FRMPD4: variants seen among roughly 807,000 people sequenced by gnomAD.
The protein encoded by FRMPD4 is FERM and PDZ domain containing 4, also known as FERM and PDZ domain-containing protein 4.
In FRMPD4, 22 loss-of-function variants were observed where a neutral mutation model predicts 94.1. The observed-to-expected ratio is 0.23, with a 90% CI of 0.17 to 0.33. FRMPD4 has a LOEUF of 0.33. Among genes scored for constraint, FRMPD4 ranks in the 10% least tolerant of loss-of-function variants. FRMPD4 has a pLI of 1.00. For missense variants in FRMPD4, 1,111 were observed against 1,339.9 expected, an observed-to-expected ratio of 0.83 and a Z score of 2.67; for synonymous variants, 631 against 548.6, an observed-to-expected ratio of 1.15 and a Z score of -2.10.
intron 3 of FRMPD4, among the ~76,000 whole-genome samples, chrX:12,063,911 T>C (rs2054902221): frequency 8.9e-6 from 1 of 112,815 alleles, no homozygotes; most frequent in Non-Finnish European, 1.9e-5. Flanking sequence ...ATTAGTGTCA[T>C]GTATAGAGAA....
In FRMPD4 at chrX:12,716,339, A is replaced by G. The variant is rs2042081387; in HGVS notation, c.1880A>G (p.Gln627Arg). The G allele has an allele frequency of 2.5e-6, 3 of 1,211,776 alleles. No homozygotes were observed. The highest frequency in any genetic ancestry group is 3.4e-6 in the Non-Finnish European group (3 of 895,256). Reference protein sequence around the residue: ...PCEADYRSLAQRSLLTLSGPE... With the variant: ...PCEADYRSLARRSLLTLSGPE... Reference sequence around the variant, plus strand: ...GAGGCAGACTACAGAAGTCTAGCTCAGCGGTCCCTATTGACCCTCTCAGGA... The same window carrying G: ...GAGGCAGACTACAGAAGTCTAGCTCGGCGGTCCCTATTGACCCTCTCAGGA... The change falls in exon 15 of 17, where the codon CAG becomes CGG. Residue 627 changes from glutamine to arginine, a missense_variant. Coordinates refer to ENST00000675598, the MANE Select transcript of FRMPD4 (RefSeq NM_001368397.1).
intron 3 of FRMPD4, among the ~76,000 whole-genome samples, chrX:11,957,501 G>A (rs1429460747): frequency 1.9e-5 from 2 of 103,066 alleles, no homozygotes; most frequent in African/African-American, 3.4e-5. Flanking sequence ...GGAGTTTGAG[G>A]CTGCAGTGAG....
chrX:12,447,644 G>A (rs930379597), intron 1 of FRMPD4, among the ~76,000 whole-genome samples: 3 of 111,777 alleles, frequency 2.7e-5, no homozygotes, highest in Non-Finnish European at 5.6e-5. Flanking sequence ...GGTTGCAAGT[G>A]GTTAGTCATT....
At chrX:12,605,024 T>C (rs960976013) in intron 2 of FRMPD4, among the ~76,000 whole-genome samples, 29 of 112,473 alleles carry the variant, frequency 2.6e-4, no homozygotes, top group Non-Finnish European at 4.7e-4. Flanking sequence ...ATTGTCACCA[T>C]TTTACAGATA....
intron 5 of FRMPD4, among the ~76,000 whole-genome samples, chrX:12,681,648 A>G (rs1301331675): frequency 9.1e-6 from 1 of 110,128 alleles, no homozygotes; most frequent in Non-Finnish European, 1.9e-5. Flanking sequence ...GGGGAACTTT[A>G]GAAATAACAG....
At chrX:12,443,291 T>G (rs1328906355) in intron 1 of FRMPD4, among the ~76,000 whole-genome samples, 1 of 112,232 alleles carries the variant, frequency 8.9e-6, no homozygotes, top group African/African-American at 3.2e-5. Flanking sequence ...GCAAGCCACA[T>G]GTATAATTAT....
intron 1 of FRMPD4, among the ~76,000 whole-genome samples, chrX:12,281,778 A>G (rs1047066136): frequency 3.6e-5 from 4 of 111,977 alleles, no homozygotes; most frequent in Non-Finnish European, 7.5e-5. Context: ...CTCTGTAGAC[A>G]TCTTATTTAA....
intron 4 of FRMPD4, among the ~76,000 whole-genome samples, chrX:12,653,876 C>T (rs187826737): frequency 2.2e-3 from 249 of 112,185 alleles, no homozygotes; most frequent in African/African-American, 7.5e-3. Context: ...CAAGCGATTC[C>T]CCTGCCTCAG....
At chrX:11,876,025 A>AT (rs2053782793) in intron 2 of FRMPD4, among the ~76,000 whole-genome samples, 1 of 108,682 alleles carries the variant, frequency 9.2e-6, no homozygotes, top group South Asian at 4.1e-4. Flanking sequence ...ACAGGCACCC[A>AT]CCACCATGCC....
chrX:11,845,484 A>C (rs6640793), intron 1 of FRMPD4, among the ~76,000 whole-genome samples: 14,061 of 109,403 alleles, frequency 0.13, 1,136 homozygotes, highest in African/African-American at 0.28. Flanking sequence ...TTCTGAAACT[A>C]TTCCAATCAA....
intron 3 of FRMPD4, among the ~76,000 whole-genome samples, chrX:12,114,161 AC>A (rs200801804): frequency 0.025 from 2,854 of 111,922 alleles, 45 homozygotes; most frequent in Middle Eastern, 0.042. Flanking sequence ...ATTATATGCT[AC>A]AGAGCCTTTC....
chrX:12,555,729 C>G (rs973904848), intron 2 of FRMPD4, among the ~76,000 whole-genome samples: 1 of 111,757 alleles, frequency 8.9e-6, no homozygotes, highest in Non-Finnish European at 1.9e-5. Flanking sequence ...TTCCAGAAAG[C>G]AGTAAGATTC....
At chrX:12,079,928 T>C (rs1371460996) in intron 3 of FRMPD4, among the ~76,000 whole-genome samples, 1 of 112,702 alleles carries the variant, frequency 8.9e-6, no homozygotes, top group Non-Finnish European at 1.9e-5. Context: ...AAATAAAAAG[T>C]AAAATTAAGG....
At chrX:12,157,574 G>A (rs1010754886) in intron 1 of FRMPD4, among the ~76,000 whole-genome samples, 2 of 111,886 alleles carry the variant, frequency 1.8e-5, no homozygotes, top group East Asian at 5.6e-4. Flanking sequence ...GTCAGTTCCA[G>A]GGACCTCTGC....
intron 14 of FRMPD4, 68 bp from the exon 15 acceptor site, chrX:12,716,001 T>TGGGGG: frequency 9.9e-5 from 23 of 231,611 alleles, no homozygotes; most frequent in East Asian, 1.7e-4. Context: ...GAGACGAGCC[T>TGGGGG]CCCACCCCCG....
intron 1 of FRMPD4, among the ~76,000 whole-genome samples, chrX:12,397,770 T>C (rs1216709002): frequency 9.0e-6 from 1 of 111,139 alleles, no homozygotes; most frequent in East Asian, 2.8e-4. Flanking sequence ...TGTGAATTTT[T>C]CCAGAAAAGC....
intron 3 of FRMPD4, among the ~76,000 whole-genome samples, chrX:11,967,608 G>T (rs1194365918): frequency 3.6e-5 from 4 of 111,337 alleles, no homozygotes; most frequent in Non-Finnish European, 7.5e-5. Context: ...TGCTCTTGTT[G>T]TCCCTCAGAA....
intron 1 of FRMPD4, among the ~76,000 whole-genome samples, chrX:12,232,905 GAAGT>G (rs1489985007): frequency 2.7e-5 from 3 of 112,056 alleles, no homozygotes; most frequent in African/African-American, 6.5e-5. Context: ...TGAGTGAGGA[GAAGT>G]AAGTACAGGA....
At chrX:11,847,795 C>T (rs752618127) in intron 1 of FRMPD4, among the ~76,000 whole-genome samples, 116 of 101,402 alleles carry the variant, frequency 1.1e-3, no homozygotes, top group Non-Finnish European at 1.7e-3. Flanking sequence ...AAAAACCAAA[C>T]ACCGCATGTT....
Sources: gnomAD v4.1 joint callset for allele counts (sites outside exome capture counted in the v4.1 genomes callset) on GRCh38, gnomAD v4.1.1 for gene constraint, MANE v1.5 for transcripts, NCBI Gene and HGNC (gene_info 2026-07-23, HGNC 2026-07-21) for gene names.